RGS6: variants seen among roughly 807,000 people sequenced by gnomAD.
RGS6 encodes the protein regulator of G-protein signaling 6.
In RGS6, 30 loss-of-function variants were observed where a neutral mutation model predicts 78.5. The observed-to-expected ratio is 0.38, with a 90% CI of 0.29 to 0.52. RGS6 has a LOEUF of 0.52. Among genes scored for constraint, RGS6 ranks in the 20% least tolerant of loss-of-function variants. RGS6 has a pLI of 0.85. For missense variants in RGS6, 495 were observed against 609.7 expected (o/e 0.81, Z 1.98); for synonymous variants, 206 against 206.0 (o/e 1.00, Z 0.00).
intron 2 of RGS6, among the ~76,000 whole-genome samples, chr14:72,122,475 G>A (rs2096074077): frequency 6.6e-6 from 1 of 152,176 alleles, no homozygotes; most frequent in Admixed American, 6.5e-5. Flanking sequence ...TTTGGAGCCA[G>A]ATTCAAACCC....
intron 15 of RGS6, among the ~76,000 whole-genome samples, chr14:72,520,303 C>A (rs747494645): frequency 2.6e-5 from 4 of 152,102 alleles, no homozygotes; most frequent in Non-Finnish European, 5.9e-5. Flanking sequence ...TGATTGCAGC[C>A]CTGTGGTGCT....
chr14:72,416,803 A>G (rs2093846073), intron 3 of RGS6, among the ~76,000 whole-genome samples: 1 of 152,240 alleles, frequency 6.6e-6, no homozygotes, highest in Non-Finnish European at 1.5e-5. Flanking sequence ...GCCTAGGTTC[A>G]GATACCACCT....
In RGS6 at chr14:72,343,442, A is replaced by G. The variant is rs2077403440; in HGVS notation, c.85-8653A>G. 3.9e-5 allele frequency among the ~76,000 whole-genome samples: 6 copies of G among 152,326 alleles called. No individual in the cohort carries two copies. The South Asian group carries it at 1.2e-3, about 32-fold the overall frequency. On this transcript the variant is annotated intron_variant, in intron 2 of 17. Coordinates refer to ENST00000553525, the MANE Select transcript of RGS6 (RefSeq NM_001204424.2). ...TTTCAAGGACCCATGTGATTCACTG[A>G]GCATACCTGGATAACCAGGGTCATC... is the stretch of plus-strand genomic sequence containing the variant.
At chr14:72,333,893 C>T (rs2075527104) in intron 2 of RGS6, among the ~76,000 whole-genome samples, 1 of 152,206 alleles carries the variant, frequency 6.6e-6, no homozygotes, top group Non-Finnish European at 1.5e-5. Context: ...ACCAGATTTC[C>T]ATTCCCATTA....
chr14:72,317,351 GAT>G (rs992517189), intron 2 of RGS6, among the ~76,000 whole-genome samples: 2 of 152,094 alleles, frequency 1.3e-5, no homozygotes, highest in Admixed American at 1.3e-4. Context: ...TTTCTGTCTA[GAT>G]TCATCTTTTA....
intron 2 of RGS6, among the ~76,000 whole-genome samples, chr14:72,336,833 C>G (rs765247244): frequency 1.8e-4 from 28 of 151,700 alleles, no homozygotes; most frequent in Non-Finnish European, 3.7e-4. Flanking sequence ...TTCCCAGCCT[C>G]TCTCTCTGGC....
intron 2 of RGS6, among the ~76,000 whole-genome samples, chr14:72,279,234 T>C (rs1301821720): frequency 6.6e-6 from 1 of 151,922 alleles, no homozygotes; most frequent in Non-Finnish European, 1.5e-5. Context: ...TCAGATCAGT[T>C]CTTGCTGCCT....
At chr14:72,612,764 T>C in the RGS6 span, 1 of 366,722 alleles carries the variant, frequency 2.7e-6, no homozygotes. Context: ...ATATCTTTCA[T>C]GAAAAGAAGC....
chr14:72,140,491 C>T (rs2096524838), intron 2 of RGS6, among the ~76,000 whole-genome samples: 1 of 152,162 alleles, frequency 6.6e-6, no homozygotes, highest in African/African-American at 2.4e-5. Context: ...CCATAGGACT[C>T]AGCAAGCCAT....
intron 2 of RGS6, among the ~76,000 whole-genome samples, chr14:72,151,132 G>A (rs538419215): frequency 2.6e-5 from 4 of 152,148 alleles, no homozygotes; most frequent in Admixed American, 6.5e-5. Context: ...ACGAAGACCC[G>A]GGTGTGTAAC....
At chr14:72,329,484 G>A (rs1371590896) in intron 2 of RGS6, among the ~76,000 whole-genome samples, 1 of 152,250 alleles carries the variant, frequency 6.6e-6, no homozygotes, top group African/African-American at 2.4e-5. Flanking sequence ...GGTGGCCAAG[G>A]TCCACACCAC....
chr14:72,149,291 G>A (rs1316687517), intron 2 of RGS6, among the ~76,000 whole-genome samples: 1 of 152,130 alleles, frequency 6.6e-6, no homozygotes, highest in African/African-American at 2.4e-5. Context: ...CACTTCCATG[G>A]CATTCTGTTC....
intron 2 of RGS6, among the ~76,000 whole-genome samples, chr14:72,280,953 G>A (rs2061465110): frequency 6.6e-6 from 1 of 152,102 alleles, no homozygotes; most frequent in South Asian, 2.1e-4. Flanking sequence ...TGGACAGATG[G>A]TTATGACTTT....
intron 3 of RGS6, among the ~76,000 whole-genome samples, chr14:72,417,721 C>A (rs553159850): frequency 2.6e-5 from 4 of 152,222 alleles, no homozygotes; most frequent in Non-Finnish European, 5.9e-5. Flanking sequence ...CAGTACATAC[C>A]TCACGGAGTT....
intron 17 of RGS6, among the ~76,000 whole-genome samples, chr14:72,549,775 TCACTAGAA>T (rs765878524): frequency 4.6e-5 from 7 of 151,998 alleles, no homozygotes; most frequent in Admixed American, 2.0e-4. Flanking sequence ...GGCAGGAGGA[TCACTAGAA>T]CAAGGGAGGC....
At chr14:72,170,056 T>C (rs1296662514) in intron 2 of RGS6, among the ~76,000 whole-genome samples, 1 of 152,134 alleles carries the variant, frequency 6.6e-6, no homozygotes, top group East Asian at 1.9e-4. Flanking sequence ...CCTGTTTAGA[T>C]TGGTACATAA....
the RGS6 span, among the ~76,000 whole-genome samples, chr14:72,574,903 G>T: frequency 4.6e-5 from 7 of 152,258 alleles, no homozygotes; most frequent in Admixed American, 4.6e-4. Flanking sequence ...CCAGGTTAGG[G>T]CCTAGCAGTG....
intron 3 of RGS6, among the ~76,000 whole-genome samples, chr14:72,359,473 A>G (rs34034575): frequency 0.063 from 9,516 of 152,246 alleles, 483 homozygotes; most frequent in East Asian, 0.3. Flanking sequence ...TCAGTTGGAG[A>G]TGACAAGTAA....
rs563499512 is a variant in RGS6, at chr14:72,539,720, C to T, written c.1369-321C>T. On this transcript the variant is annotated intron_variant, in intron 16 of 17. Transcript: ENST00000553525. The stretch of plus-strand genomic sequence containing the variant: ...CAGCAAGCAAGCTGCTCAAACCCAC[C>T]GACTGTGGTCCTGCAGCAAAGTCAT... 4.6e-5 allele frequency among the ~76,000 whole-genome samples: 7 copies of T among 152,286 alleles called. No homozygotes were observed. In the East Asian group the frequency reaches 5.8e-4, roughly 13 times the overall value.
Sources: gnomAD v4.1 joint callset for allele counts (sites outside exome capture counted in the v4.1 genomes callset) on GRCh38, gnomAD v4.1.1 for gene constraint, MANE v1.5 for transcripts, NCBI Gene and HGNC (gene_info 2026-07-23, HGNC 2026-07-21) for gene names.